The following HIVEP2 variants were observed in gnomAD, a reference collection of about 807,000 sequenced individuals.
HIVEP2 encodes HIVEP zinc finger 2, also known as transcription factor HIVEP2.
Under a neutral mutation model 180.7 loss-of-function variants are expected in HIVEP2, and 14 were observed. The ratio of observed to expected loss-of-function variants is 0.08; its 90% CI spans 0.05 to 0.12. The LOEUF (loss-of-function observed/expected upper bound fraction) is 0.12, where lower values mean the gene tolerates loss of function less well. Among genes scored for constraint, HIVEP2 ranks in the 10% least tolerant of loss-of-function variants. The probability of loss-of-function intolerance (pLI) is 1.00; values close to 1 mark genes in which losing one functional copy is unlikely to be tolerated. For synonymous variants in HIVEP2, 1,184 were observed against 1,136.4 expected (o/e 1.04, Z -0.84); for missense variants, 2,579 against 3,008.5 (o/e 0.86, Z 3.34).
chr6:142,902,108 T>A (rs1180046453), intron 1 of HIVEP2, among the ~76,000 whole-genome samples: 1 of 152,170 alleles, frequency 6.6e-6, no homozygotes, highest in Non-Finnish European at 1.5e-5. Flanking sequence ...CCTTCAAAGA[T>A]AAAGCTTAAT....
intron 1 of HIVEP2, among the ~76,000 whole-genome samples, chr6:142,846,170 A>G (rs961534946): frequency 6.6e-6 from 1 of 152,180 alleles, no homozygotes; most frequent in African/African-American, 2.4e-5. Flanking sequence ...CCTTAGGACA[A>G]TAGCAAACTG....
intron 1 of HIVEP2, among the ~76,000 whole-genome samples, chr6:142,903,856 C>T (rs9403417): frequency 0.071 from 10,764 of 150,620 alleles, 490 homozygotes; most frequent in East Asian, 0.17. Context: ...CAAAACAAAG[C>T]AAATGATTGC....
chr6:142,836,181 GTTAA>G (rs1183337227), intron 2 of HIVEP2, among the ~76,000 whole-genome samples: 1 of 151,998 alleles, frequency 6.6e-6, no homozygotes, highest in Non-Finnish European at 1.5e-5. Context: ...TGTGTAAAGG[GTTAA>G]TTAAAGTATG....
Position 142,770,866 on chromosome 6 carries a change from C to T in HIVEP2, c.3873G>A (p.Lys1291=), listed in dbSNP as rs765353665. 4 of 1,614,204 alleles carry T rather than the reference C, an allele frequency of 2.5e-6. No homozygotes were observed. The highest frequency in any genetic ancestry group is 3.4e-6 in the Non-Finnish European group (4 of 1,180,040). Residue 1291 remains lysine, a synonymous_variant, in exon 5 of 10, where the codon AAG becomes AAA. Coordinates refer to ENST00000367603, the MANE Select transcript of HIVEP2 (RefSeq NM_006734.4). This position sits in a 1 kb window ranked among gnomAD's most constrained non-coding sequence, Gnocchi z 4.7. ...CYSGASGLHP[K]NLLPKFPSDQ... ...CTGATGGAAACTTTGGAAGAAGGTT[C>T]TTTGGGTGTAGCCCTGATGCTCCTG...
chr6:142,904,798 A>G lies in HIVEP2; in HGVS notation c.-641+40301T>C, dbSNP rs141917356. 7.1e-4 allele frequency among the ~76,000 whole-genome samples: 108 copies of G among 152,280 alleles called. 1 individual carries two copies. The highest frequency in any genetic ancestry group is 3.4e-3 in the Middle Eastern group (1 of 294). On this transcript the variant is annotated intron_variant, in intron 1 of 9. Coordinates refer to ENST00000367603, the MANE Select transcript of HIVEP2 (RefSeq NM_006734.4). ...ATCAGTTTATTATCCATTTGTTTTC[A>G]TTTATCCCGAAGATCATTCTTAGTC... is the stretch of plus-strand genomic sequence containing the variant.
At chr6:142,792,140 A>G (rs1476039005) in intron 2 of HIVEP2, among the ~76,000 whole-genome samples, 2 of 152,184 alleles carry the variant, frequency 1.3e-5, no homozygotes, top group African/African-American at 4.8e-5. Context: ...TAGTTGGCAG[A>G]CACAGAGAGA....
At chr6:142,808,840 C>G (rs1776619239) in intron 2 of HIVEP2, among the ~76,000 whole-genome samples, 1 of 152,022 alleles carries the variant, frequency 6.6e-6, no homozygotes, top group South Asian at 2.1e-4. Context: ...GGTGGAGGAC[C>G]TCATAACGAA....
At chr6:142,909,085 C>T (rs985524254) in intron 1 of HIVEP2, among the ~76,000 whole-genome samples, 4 of 152,076 alleles carry the variant, frequency 2.6e-5, no homozygotes, top group Non-Finnish European at 4.4e-5. Context: ...ACGTTATTGT[C>T]TCTACTATAT....
rs370467838 is a variant in HIVEP2, at chr6:142,764,759, T to G, written c.5518+40A>C. 1.4e-4 allele frequency: 205 copies of G among 1,480,390 alleles called. 2 individuals are homozygous for G. In the South Asian group the frequency reaches 2.3e-3, roughly 17 times the overall value. 91.7% of individuals were successfully genotyped at this position (1,480,390 alleles called of 1,614,324 possible). ...TAGCACTCAGAAATCTAAGTAGCCA[T>G]AGAGAAGTATTTTTCCTCTCAAAAA... On this transcript the variant is annotated intron_variant, in intron 7 of 9. Coordinates refer to ENST00000367603, the MANE Select transcript of HIVEP2 (RefSeq NM_006734.4).
chr6:142,864,652 A>G (rs893174748), intron 1 of HIVEP2, among the ~76,000 whole-genome samples: 19 of 152,234 alleles, frequency 1.2e-4, no homozygotes, highest in African/African-American at 4.3e-4. Flanking sequence ...TTGCTATTAC[A>G]TAACAGTTAA....
intron 6 of HIVEP2, among the ~76,000 whole-genome samples, chr6:142,765,210 G>A (rs1260232746): frequency 6.6e-6 from 1 of 152,170 alleles, no homozygotes; most frequent in South Asian, 2.1e-4. Flanking sequence ...AATGGAATTG[G>A]CTTCACTATT....
chr6:142,830,461 C>T (rs879624850), intron 2 of HIVEP2, among the ~76,000 whole-genome samples: 6 of 152,004 alleles, frequency 3.9e-5, no homozygotes, highest in Non-Finnish European at 8.8e-5. Flanking sequence ...AGTACTCTGA[C>T]ACATACACAT....
intron 1 of HIVEP2, among the ~76,000 whole-genome samples, chr6:142,921,186 A>G (rs563492276): frequency 6.6e-6 from 1 of 152,344 alleles, no homozygotes; most frequent in East Asian, 1.9e-4. Flanking sequence ...CTGCCCTTCC[A>G]ATGTTTTCAT....
At position 142,795,109 on chromosome 6, in the gene HIVEP2, A is replaced by G. The variant is rs533320003; in HGVS notation, c.-527-11494T>C. ...ATATAAACATATTGGCTTAATTTTT[A>G]TATTCCTCACACATATAAATAATTT... On this transcript the variant is annotated intron_variant, in intron 2 of 9. Transcript: ENST00000367603. 2.6e-5 allele frequency among the ~76,000 whole-genome samples: 4 copies of G among 152,308 alleles called. No individual in the cohort carries two copies. The East Asian group carries it at 5.8e-4, about 22-fold the overall frequency.
At chr6:142,876,162 A>G (rs760645942) in intron 1 of HIVEP2, among the ~76,000 whole-genome samples, 2 of 152,208 alleles carry the variant, frequency 1.3e-5, no homozygotes, top group Non-Finnish European at 2.9e-5. Flanking sequence ...AGAGTTGAGA[A>G]GATGACGACG....
intron 1 of HIVEP2, among the ~76,000 whole-genome samples, chr6:142,892,421 A>C (rs1190458467): frequency 6.6e-6 from 1 of 152,168 alleles, no homozygotes; most frequent in Non-Finnish European, 1.5e-5. Flanking sequence ...CAGAGAAATA[A>C]GCAACCTGAC....
chr6:142,843,333 A>G (rs1016419269), intron 1 of HIVEP2, among the ~76,000 whole-genome samples: 2 of 144,392 alleles, frequency 1.4e-5, no homozygotes, highest in South Asian at 2.2e-4. Flanking sequence ...AATAAAGTAC[A>G]TAACAGGTGA....
chr6:142,777,640 C>T (rs1432024836), intron 3 of HIVEP2, among the ~76,000 whole-genome samples: 1 of 36,702 alleles, frequency 2.7e-5, no homozygotes. Context: ...AAGAGCAAAA[C>T]TCCATCTCAA....
chr6:142,862,760 T>A (rs1213599626), intron 1 of HIVEP2, among the ~76,000 whole-genome samples: 1 of 136,800 alleles, frequency 7.3e-6, no homozygotes, highest in Non-Finnish European at 1.5e-5. Context: ...TTACATATAT[T>A]ATGTAATATA....
Sources: allele counts gnomAD v4.1 joint callset (sites outside exome capture counted in the v4.1 genomes callset), GRCh38; gene constraint gnomAD v4.1.1; non-coding constraint Gnocchi (gnomAD v3.1); transcripts MANE v1.5; gene names NCBI Gene and HGNC (gene_info 2026-07-23, HGNC 2026-07-21).